The following PPARGC1A variants were observed in gnomAD, a reference collection of about 807,000 sequenced individuals.
The protein encoded by PPARGC1A is peroxisome proliferator-activated receptor gamma coactivator 1-alpha.
In PPARGC1A, 25 loss-of-function variants were observed where a neutral mutation model predicts 88.7. The observed-to-expected ratio is 0.28, with a 90% CI of 0.21 to 0.39. The LOEUF (loss-of-function observed/expected upper bound fraction) is 0.39. PPARGC1A is among the 10% of genes least tolerant of loss of function. The probability of loss-of-function intolerance (pLI) is 1.00; values close to 1 mark genes in which losing one functional copy is unlikely to be tolerated. For missense variants in PPARGC1A, 880 were observed against 968.7 expected, an observed-to-expected ratio of 0.91 and a Z score of 1.22; for synonymous variants, 363 against 355.6, an observed-to-expected ratio of 1.02 and a Z score of -0.24.
the PPARGC1A span, among the ~76,000 whole-genome samples, chr4:24,142,892 T>A: frequency 6.7e-5 from 10 of 149,674 alleles, no homozygotes; most frequent in African/African-American, 2.5e-4. Flanking sequence ...AACCTCTATT[T>A]TAGGCCCTGA....
chr4:23,871,863 A>G (rs1577596080), intron 2 of PPARGC1A, among the ~76,000 whole-genome samples: 1 of 152,310 alleles, frequency 6.6e-6, no homozygotes, highest in Middle Eastern at 3.4e-3. Context: ...GGAGAAGAGG[A>G]TTTAAGCTCG....
At chr4:23,811,447 G>A (rs1224458187) in intron 10 of PPARGC1A, among the ~76,000 whole-genome samples, 3 of 152,240 alleles carry the variant, frequency 2.0e-5, no homozygotes, top group East Asian at 3.8e-4. Flanking sequence ...AATAAAAGCA[G>A]TGCTATATCT....
At chr4:23,856,214 A>T (rs1730164826) in intron 2 of PPARGC1A, among the ~76,000 whole-genome samples, 1 of 152,224 alleles carries the variant, frequency 6.6e-6, no homozygotes, top group South Asian at 2.1e-4. Flanking sequence ...AAAGAAAATC[A>T]AACAGCAATC....
chr4:24,207,360 C>G, the PPARGC1A span, among the ~76,000 whole-genome samples: 8 of 152,190 alleles, frequency 5.3e-5, no homozygotes, highest in Non-Finnish European at 1.5e-5. Flanking sequence ...AAACACAAAA[C>G]AGGCCCTAAC....
the PPARGC1A span, among the ~76,000 whole-genome samples, chr4:24,280,842 T>C: frequency 6.6e-6 from 1 of 152,256 alleles, no homozygotes; most frequent in African/African-American, 2.4e-5. Context: ...CTGGGACACA[T>C]TTCTCAACAG....
chr4:24,431,882 C>G, the PPARGC1A span, among the ~76,000 whole-genome samples: 1 of 152,038 alleles, frequency 6.6e-6, no homozygotes, highest in Non-Finnish European at 1.5e-5. Flanking sequence ...AGTTGTCAAC[C>G]AAGGCAATTG....
intron 7 of PPARGC1A, among the ~76,000 whole-genome samples, chr4:23,817,996 C>T (rs537170918): frequency 7.9e-5 from 12 of 152,272 alleles, no homozygotes; most frequent in East Asian, 7.7e-4. Context: ...GCCTCACCTC[C>T]GCTACCCACA....
intron 7 of PPARGC1A, among the ~76,000 whole-genome samples, chr4:23,822,320 T>A (rs1019368986): frequency 4.0e-5 from 6 of 151,860 alleles, no homozygotes; most frequent in Non-Finnish European, 8.8e-5. Flanking sequence ...ATCTGTGCAT[T>A]TTTTTTGTTT....
chr4:24,172,108 T>C, the PPARGC1A span, among the ~76,000 whole-genome samples: 12 of 152,106 alleles, frequency 7.9e-5, no homozygotes, highest in Admixed American at 1.3e-4. Context: ...AAAACTACCA[T>C]CTAGTATTAC....
the PPARGC1A span, among the ~76,000 whole-genome samples, chr4:24,461,656 A>G: frequency 6.6e-6 from 1 of 151,864 alleles, no homozygotes; most frequent in Non-Finnish European, 1.5e-5. Flanking sequence ...TACTAAATGA[A>G]AGCTCTCTTA....
At chr4:23,857,560 C>G (rs1039482334) in intron 2 of PPARGC1A, among the ~76,000 whole-genome samples, 31 of 151,544 alleles carry the variant, frequency 2.0e-4, no homozygotes, top group African/African-American at 7.5e-4. Flanking sequence ...ACAAGAACCC[C>G]ATTCTTTTAC....
the PPARGC1A span, among the ~76,000 whole-genome samples, chr4:24,204,356 A>C: frequency 6.6e-6 from 1 of 152,192 alleles, no homozygotes; most frequent in African/African-American, 2.4e-5. Context: ...GAGGGCAAAA[A>C]ACCTTTGTAT....
the PPARGC1A span, among the ~76,000 whole-genome samples, chr4:24,066,877 T>G: frequency 1.3e-5 from 2 of 148,498 alleles, no homozygotes; most frequent in Admixed American, 6.7e-5. Flanking sequence ...TTTTTGCCTT[T>G]AGATATTGTG....
At chr4:24,022,644 T>G in the PPARGC1A span, among the ~76,000 whole-genome samples, 1 of 152,098 alleles carries the variant, frequency 6.6e-6, no homozygotes, top group Non-Finnish European at 1.5e-5. Context: ...TTAACAGGAA[T>G]CAGAACCCCT....
the PPARGC1A span, among the ~76,000 whole-genome samples, chr4:24,204,978 C>T: frequency 0.87 from 132,519 of 152,112 alleles, 58,435 homozygotes; most frequent in East Asian, 1. Context: ...CCCGCCACCA[C>T]GCCCAGCTAA....
the PPARGC1A span, among the ~76,000 whole-genome samples, chr4:24,325,113 C>T: frequency 0.017 from 2,617 of 152,224 alleles, 70 homozygotes; most frequent in East Asian, 0.12. Context: ...AATCAGATAG[C>T]GTTTAGGCTC....
the PPARGC1A span, among the ~76,000 whole-genome samples, chr4:24,177,679 A>AG: frequency 5.4e-3 from 19 of 3,528 alleles, no homozygotes; most frequent in Non-Finnish European, 0.032. Context: ...TTTTTAAAAA[A>AG]GGAAAAAAAA....
the PPARGC1A span, among the ~76,000 whole-genome samples, chr4:24,378,288 G>T: frequency 6.6e-6 from 1 of 152,130 alleles, no homozygotes. Context: ...AGTGAGCAGA[G>T]ATCATGCCAC....
chr4:24,182,634 T>C, the PPARGC1A span, among the ~76,000 whole-genome samples: 6 of 152,024 alleles, frequency 3.9e-5, no homozygotes, highest in African/African-American at 1.4e-4. Flanking sequence ...AGCGTCCCTA[T>C]TTCTCCACAG....
Sources: gnomAD v4.1 joint callset for allele counts (sites outside exome capture counted in the v4.1 genomes callset) on GRCh38, gnomAD v4.1.1 for gene constraint, MANE v1.5 for transcripts, NCBI Gene and HGNC (gene_info 2026-07-23, HGNC 2026-07-21) for gene names.